NELL1: variants seen among roughly 807,000 people sequenced by gnomAD.
NELL1 encodes the protein protein kinase C-binding protein NELL1.
NELL1 carries 76 observed loss-of-function variants against 107.4 expected under a neutral mutation model. The ratio of observed to expected loss-of-function variants is 0.71; its 90% confidence interval spans 0.59 to 0.86. NELL1 has a LOEUF of 0.86. Ranked by LOEUF, NELL1 falls within the 40% of genes least tolerant of loss-of-function variation. The probability of loss-of-function intolerance (pLI) is 0.00; values close to 1 mark genes in which losing one functional copy is unlikely to be tolerated. For synonymous variants in NELL1, 353 were observed against 341.2 expected (o/e 1.03, Z -0.38); for missense variants, 1,024 against 1,005.5 (o/e 1.02, Z -0.25).
intron 15 of NELL1, among the ~76,000 whole-genome samples, chr11:21,424,544 C>T (rs1852772553): frequency 6.6e-6 from 1 of 152,056 alleles, no homozygotes; most frequent in African/African-American, 2.4e-5. Context: ...TCGCTTGAAC[C>T]TGGGAGACAG....
intron 4 of NELL1, among the ~76,000 whole-genome samples, chr11:20,866,371 C>T (rs1222212467): frequency 1.3e-5 from 2 of 152,226 alleles, no homozygotes; most frequent in African/African-American, 4.8e-5. Flanking sequence ...ATCTGGAAAA[C>T]AGATGAGAGC....
intron 15 of NELL1, among the ~76,000 whole-genome samples, chr11:21,499,909 C>T (rs770531205): frequency 6.6e-5 from 10 of 152,036 alleles, no homozygotes; most frequent in East Asian, 3.9e-4. Context: ...ACTTAAATTT[C>T]AGCTTTAGAT....
intron 3 of NELL1, among the ~76,000 whole-genome samples, chr11:20,835,184 C>T (rs992140277): frequency 1.3e-5 from 2 of 152,196 alleles, no homozygotes; most frequent in African/African-American, 2.4e-5. Flanking sequence ...GAAACGTTCT[C>T]ACATCACCGT....
chr11:21,079,254 CAT>C (rs1345801437), intron 12 of NELL1, among the ~76,000 whole-genome samples: 3 of 152,062 alleles, frequency 2.0e-5, no homozygotes, highest in African/African-American at 7.2e-5. Flanking sequence ...CATGAAAACA[CAT>C]AAAGCAAATA....
chr11:20,906,495 A>G (rs970592291), intron 5 of NELL1, among the ~76,000 whole-genome samples: 1 of 152,100 alleles, frequency 6.6e-6, no homozygotes, highest in Non-Finnish European at 1.5e-5. Context: ...AACTCATTCT[A>G]TGAGGTCAGA....
intron 14 of NELL1, among the ~76,000 whole-genome samples, chr11:21,328,993 A>G (rs1458331350): frequency 6.6e-6 from 1 of 152,096 alleles, no homozygotes; most frequent in Admixed American, 6.5e-5. Flanking sequence ...ATCAGATAAG[A>G]CTATGGACTT....
At chr11:20,986,675 C>T (rs1266732349) in intron 12 of NELL1, among the ~76,000 whole-genome samples, 1 of 152,088 alleles carries the variant, frequency 6.6e-6, no homozygotes, top group Non-Finnish European at 1.5e-5. Flanking sequence ...TTTCTGAGGT[C>T]AGGAACATGC....
chr11:21,392,362 T>C (rs1851898226), intron 15 of NELL1, among the ~76,000 whole-genome samples: 1 of 151,854 alleles, frequency 6.6e-6, no homozygotes, highest in Admixed American at 6.6e-5. Context: ...ATAAGTTGCT[T>C]CTTGGCTTTC....
intron 15 of NELL1, among the ~76,000 whole-genome samples, chr11:21,385,676 T>C (rs1165854565): frequency 6.6e-6 from 1 of 151,974 alleles, no homozygotes; most frequent in Admixed American, 6.6e-5. Flanking sequence ...CCTTATAAAA[T>C]ATAAATATAA....
At chr11:21,147,836 C>CAA (rs35688285) in intron 13 of NELL1, among the ~76,000 whole-genome samples, 471 of 28,814 alleles carry the variant, frequency 0.016, 39 homozygotes, top group Middle Eastern at 0.071. Context: ...AACTCCGTCT[C>CAA]AAAAAAAAAA....
chr11:20,856,367 T>C (rs1387126933), intron 4 of NELL1, among the ~76,000 whole-genome samples: 1 of 152,216 alleles, frequency 6.6e-6, no homozygotes, highest in African/African-American at 2.4e-5. Context: ...TGTGTAATGG[T>C]GTCTCTAACT....
At chr11:20,948,765 T>TAAAAAAAAA (rs35915453) in intron 11 of NELL1, among the ~76,000 whole-genome samples, 1 of 107,280 alleles carries the variant, frequency 9.3e-6, no homozygotes, top group Non-Finnish European at 1.9e-5. Context: ...TTCAAAATCT[T>TAAAAAAAAA]AAAAAAAAAA....
At chr11:20,759,698 C>T (rs1393333835) in intron 2 of NELL1, among the ~76,000 whole-genome samples, 2 of 152,174 alleles carry the variant, frequency 1.3e-5, no homozygotes, top group Admixed American at 1.3e-4. Context: ...CTGATAGAAT[C>T]CTCTCTAAAT....
chr11:20,964,040 T>G (rs947409090), intron 12 of NELL1, among the ~76,000 whole-genome samples: 6 of 152,170 alleles, frequency 3.9e-5, no homozygotes, highest in Non-Finnish European at 7.4e-5. Context: ...ATAAGACCTT[T>G]TGTCAGCTAT....
chr11:20,927,304 G>A lies in NELL1; in HGVS notation c.760-4G>A. ...AAATTACATTCAGTAACTCTTGTTT[G>A]CAGCTAAATTATGCAGAGACAAGAC... On this transcript the variant is annotated splice_polypyrimidine_tract_variant and splice_region_variant and intron_variant, in intron 7 of 19. Coordinates refer to ENST00000357134, the MANE Select transcript of NELL1 (RefSeq NM_006157.5). The A allele has an allele frequency of 6.2e-7, 1 of 1,600,422 alleles. No individual in the cohort carries two copies. Among genetic ancestry groups the A allele is most frequent in the Non-Finnish European group, 8.5e-7 (1 of 1,176,836 alleles).
At chr11:21,230,109 T>C (rs1348350300) in intron 14 of NELL1, among the ~76,000 whole-genome samples, 2 of 152,148 alleles carry the variant, frequency 1.3e-5, no homozygotes, top group East Asian at 3.9e-4. Flanking sequence ...TACTCAAATG[T>C]CTCCTCATCA....
intron 14 of NELL1, among the ~76,000 whole-genome samples, chr11:21,280,251 A>G (rs960658184): frequency 6.6e-6 from 1 of 152,210 alleles, no homozygotes; most frequent in Non-Finnish European, 1.5e-5. Flanking sequence ...CATTGGTTAT[A>G]AAAAATGGAG....
chr11:21,168,572 GT>G (rs1175836100), intron 13 of NELL1, among the ~76,000 whole-genome samples: 1 of 151,626 alleles, frequency 6.6e-6, no homozygotes, highest in African/African-American at 2.4e-5. Flanking sequence ...ACATGGTCCA[GT>G]TTGTCTGTTT....
intron 2 of NELL1, among the ~76,000 whole-genome samples, chr11:20,697,737 G>T (rs1295026348): frequency 6.6e-6 from 1 of 152,112 alleles, no homozygotes. Context: ...TCTTAAGAGT[G>T]TTCAAGAAAG....
Sources: allele counts gnomAD v4.1 joint callset (sites outside exome capture counted in the v4.1 genomes callset), GRCh38; gene constraint gnomAD v4.1.1; transcripts MANE v1.5; gene names NCBI Gene and HGNC (gene_info 2026-07-23, HGNC 2026-07-21).